The following ADGRL4 variants were observed in gnomAD, a reference collection of about 807,000 sequenced individuals.
The protein encoded by ADGRL4 is adhesion G protein-coupled receptor L4.
A neutral mutation model predicts 74.8 loss-of-function variants in ADGRL4; 90 were observed. The observed-to-expected ratio is 1.20, with a 90% CI of 1.02 to 1.43. The LOEUF is 1.43. Ranked by LOEUF, ADGRL4 falls within the 40% of genes most tolerant of loss-of-function variation. The pLI is 0.00. For synonymous variants in ADGRL4, 311 were observed against 279.2 expected (o/e 1.11, Z -1.14); for missense variants, 881 against 814.3 (o/e 1.08, Z -1.00).
At chr1:78,955,712 T>C (rs1040720551) in intron 2 of ADGRL4, among the ~76,000 whole-genome samples, 4 of 152,108 alleles carry the variant, frequency 2.6e-5, no homozygotes, top group Non-Finnish European at 5.9e-5. Context: ...TGTTATTTTT[T>C]CATACTCAAA....
intron 12 of ADGRL4, among the ~76,000 whole-genome samples, chr1:78,902,457 A>G (rs1648540047): frequency 6.6e-6 from 1 of 152,180 alleles, no homozygotes; most frequent in South Asian, 2.1e-4. Context: ...TTATGGCAAC[A>G]GAGGCAGAAA....
At chr1:78,905,707 C>A (rs924768354) in intron 12 of ADGRL4, among the ~76,000 whole-genome samples, 3 of 151,834 alleles carry the variant, frequency 2.0e-5, no homozygotes, top group Admixed American at 1.3e-4. Context: ...TTCTCAAGGC[C>A]TAGAACAGTG....
rs910461291 is a variant in ADGRL4 at position 78,890,427 on chromosome 1, T to C, written c.*727A>G. 2.0e-5 allele frequency: 3 copies of C among 151,922 alleles called. No homozygotes were observed. Among genetic ancestry groups the C allele is most frequent in the African/African-American group, 7.2e-5 (3 of 41,410 alleles). The allele number at this position is 151,922 out of a possible 1,614,324, so 9.4% of individuals were successfully genotyped here. On this transcript the variant is annotated 3_prime_UTR_variant, in exon 15 of 15. Transcript: ENST00000370742. ...CTGTGAAATAAGTAAGGAAATAGTA[T>C]ATATCTCAGTCTAACCTTAGAAACA...
chr1:78,931,474 AG>A (rs1297651837), intron 7 of ADGRL4, among the ~76,000 whole-genome samples: 1 of 151,402 alleles, frequency 6.6e-6, no homozygotes, highest in Non-Finnish European at 1.5e-5. Flanking sequence ...ACACTGCAAA[AG>A]CAACCAAAAT....
chr1:79,001,876 G>T (rs1650851384), intron 2 of ADGRL4, among the ~76,000 whole-genome samples: 1 of 152,008 alleles, frequency 6.6e-6, no homozygotes, highest in Non-Finnish European at 1.5e-5. Flanking sequence ...AGAGGAAAAA[G>T]CTTGGTCTCT....
At chr1:78,969,648 C>A (rs1650130189) in intron 2 of ADGRL4, among the ~76,000 whole-genome samples, 1 of 150,516 alleles carries the variant, frequency 6.6e-6, no homozygotes, top group Non-Finnish European at 1.5e-5. Flanking sequence ...ATAATCAGGA[C>A]AAGTATAAGA....
At position 78,992,845 on chromosome 1, in the gene ADGRL4, T is replaced by C. The variant is rs187834035; in HGVS notation, c.172+12225A>G. Among the ~76,000 whole-genome samples, 331 of 152,252 alleles carry C rather than the reference T, an allele frequency of 2.2e-3. 2 individuals are homozygous for C. Among genetic ancestry groups the C allele is most frequent in the Admixed American group, 4.5e-3 (69 of 15,278 alleles). ...GTACAGTGGTGTTCTGTCATACAGCTGACTAACAAACTATACAAATCTATG... is the reference window on the plus strand; with the variant it reads ...GTACAGTGGTGTTCTGTCATACAGCCGACTAACAAACTATACAAATCTATG... On this transcript the variant is annotated intron_variant, in intron 2 of 14. Coordinates refer to ENST00000370742, the MANE Select transcript of ADGRL4 (RefSeq NM_022159.4).
Position 78,999,300 on chromosome 1 carries a change from G to C in ADGRL4, c.172+5770C>G, listed in dbSNP as rs565544883. Among the ~76,000 whole-genome samples, 24 of 152,252 alleles carry C rather than the reference G, an allele frequency of 1.6e-4. No individual in the cohort carries two copies. In the East Asian group the frequency reaches 4.1e-3, roughly 26 times the overall value. On this transcript the variant is annotated intron_variant, in intron 2 of 14. Coordinates refer to ENST00000370742, the MANE Select transcript of ADGRL4 (RefSeq NM_022159.4). ...AAATTTGGACTCAGTGATTTTGGGG[G>C]AAGTATTGGAAGTGCTATCTCTGCT...
chr1:79,005,154 T>C lies in ADGRL4; in HGVS notation c.88A>G (p.Asn30Asp). The change falls in exon 2 of 15, where the codon AAT (asparagine) becomes GAT (aspartate). Residue 30 changes from asparagine (N) to aspartate (D), a missense_variant. Physicochemically the swap from Asn to Asp is conservative, Grantham distance 23. Coordinates refer to ENST00000370742, the MANE Select transcript of ADGRL4 (RefSeq NM_022159.4). ...CCATTGCGTATTTCACATTTTGCAT[T>C]TGGGAGACAAGGTGTCTTGGTGCAA... ...QNCTKTPCLP[N>D]AKCEIRNGIE... 6.2e-7 allele frequency: 1 copy of C among 1,613,738 alleles called. No individual in the cohort carries two copies. Among genetic ancestry groups the C allele is most frequent in the South Asian group, 1.1e-5 (1 of 91,044 alleles).
chr1:78,988,294 G>A (rs751861719), intron 2 of ADGRL4, among the ~76,000 whole-genome samples: 78 of 151,704 alleles, frequency 5.1e-4, no homozygotes, highest in Non-Finnish European at 1.0e-3. Context: ...AGCCAGGCAG[G>A]AGTTTCTCCC....
At chr1:78,897,129 T>C (rs1364415870) in intron 12 of ADGRL4, among the ~76,000 whole-genome samples, 1 of 152,196 alleles carries the variant, frequency 6.6e-6, no homozygotes, top group African/African-American at 2.4e-5. Context: ...TACTGTTTTG[T>C]ACAATGCAAA....
intron 2 of ADGRL4, among the ~76,000 whole-genome samples, chr1:78,990,875 T>A (rs1225582565): frequency 1.3e-5 from 2 of 151,966 alleles, no homozygotes; most frequent in African/African-American, 4.8e-5. Context: ...TTATCCTCCA[T>A]ACGGCACCAG....
chr1:78,978,115 C>G (rs1225114360), intron 2 of ADGRL4, among the ~76,000 whole-genome samples: 1 of 151,880 alleles, frequency 6.6e-6, no homozygotes, highest in Non-Finnish European at 1.5e-5. Flanking sequence ...TCTCTGGCAT[C>G]TAATATAATA....
intron 2 of ADGRL4, among the ~76,000 whole-genome samples, chr1:78,967,463 A>G (rs1650079884): frequency 2.6e-5 from 4 of 152,214 alleles, no homozygotes; most frequent in Admixed American, 2.6e-4. Context: ...AATTGAAACT[A>G]CTGAGAATAG....
At chr1:78,980,401 A>G (rs531282598) in intron 2 of ADGRL4, among the ~76,000 whole-genome samples, 3 of 151,952 alleles carry the variant, frequency 2.0e-5, no homozygotes, top group African/African-American at 4.8e-5. Flanking sequence ...TTTAGTAAAA[A>G]CAAAATAAAA....
intron 2 of ADGRL4, among the ~76,000 whole-genome samples, chr1:78,983,241 A>G (rs1359074279): frequency 6.6e-6 from 1 of 151,908 alleles, no homozygotes; most frequent in African/African-American, 2.4e-5. Context: ...ACAGACACAC[A>G]TGCCCAAAAC....
At chr1:78,939,618 A>G (rs1334911794) in intron 3 of ADGRL4, 1 of 153,506 alleles carries the variant, frequency 6.5e-6, no homozygotes, top group African/African-American at 2.4e-5. Context: ...TAGTTCTTTG[A>G]TCATACATAA....
chr1:78,949,032 G>A (rs2100697677), intron 2 of ADGRL4, among the ~76,000 whole-genome samples: 1 of 152,016 alleles, frequency 6.6e-6, no homozygotes, highest in Non-Finnish European at 1.5e-5. Context: ...TGGCATACTG[G>A]GAGAAGTTTA....
At chr1:78,891,357 T>G in intron 14 of ADGRL4, 141 bp from the exon 15 acceptor site, 3 of 1,214,932 alleles carry the variant, frequency 2.5e-6, no homozygotes, top group Non-Finnish European at 3.4e-6. Context: ...TATATTTATA[T>G]CCCTAATACC....
Sources: allele counts gnomAD v4.1 joint callset (sites outside exome capture counted in the v4.1 genomes callset), GRCh38; gene constraint gnomAD v4.1.1; transcripts MANE v1.5; gene names NCBI Gene and HGNC (gene_info 2026-07-23, HGNC 2026-07-21).